The following GALNT10 variants were observed in gnomAD, a reference collection of about 807,000 sequenced individuals.
GALNT10 encodes GalNAc transferase 10.
A neutral mutation model predicts 75.0 loss-of-function variants in GALNT10; 41 were observed. That is an observed-to-expected ratio of 0.55 (90% CI 0.43 to 0.71). GALNT10 has a LOEUF of 0.71. Among genes scored for constraint, GALNT10 ranks in the 30% least tolerant of loss-of-function variants. The pLI is 0.00. For synonymous variants in GALNT10, 302 were observed against 313.0 expected (o/e 0.96, Z 0.37); for missense variants, 727 against 818.5 (o/e 0.89, Z 1.36).
rs1365265997 is a variant in GALNT10, at chr5:154,202,462, T to C, written c.159+11437T>C. Among the ~76,000 whole-genome samples, 3 of 152,316 alleles carry C rather than the reference T, an allele frequency of 2.0e-5. No individual in the cohort carries two copies. The East Asian group carries it at 5.8e-4, about 29-fold the overall frequency. ...TGCTATGCACTGTGCCCATCTCAGT[T>C]CATCAGCACTGTAATCCCAGGGAGT... is the stretch of plus-strand genomic sequence containing the variant. On this transcript the variant is annotated intron_variant, in intron 1 of 11. Transcript: ENST00000297107.
intron 1 of GALNT10, among the ~76,000 whole-genome samples, chr5:154,196,540 G>A (rs1052306609): frequency 1.3e-5 from 2 of 152,136 alleles, no homozygotes; most frequent in Non-Finnish European, 2.9e-5. Context: ...TGTTGGTTCT[G>A]ACTTTCTCTG....
In GALNT10 at chr5:154,246,177, A is replaced by T. The variant is rs1279251858; in HGVS notation, c.160-48639A>T. Among the ~76,000 whole-genome samples, 3 of 152,072 alleles carry T rather than the reference A, an allele frequency of 2.0e-5. No homozygotes were observed. In the East Asian group the frequency reaches 5.8e-4, roughly 29 times the overall value. On this transcript the variant is annotated intron_variant, in intron 1 of 11. Transcript: ENST00000297107. ...GGCTGCATAGTATTCCATGGTGTAT[A>T]TGTGCCACATTTTCTTAATCCAGTC...
intron 1 of GALNT10, among the ~76,000 whole-genome samples, chr5:154,241,740 A>G (rs1018511107): frequency 6.6e-6 from 1 of 152,122 alleles, no homozygotes; most frequent in Non-Finnish European, 1.5e-5. Flanking sequence ...AACCATTCCT[A>G]TGTTATTGGA....
intron 1 of GALNT10, among the ~76,000 whole-genome samples, chr5:154,231,853 T>C (rs947567895): frequency 2.6e-5 from 4 of 152,258 alleles, no homozygotes; most frequent in African/African-American, 9.6e-5. Context: ...GTACTTGTCT[T>C]TGTTGGTAAT....
intron 1 of GALNT10, among the ~76,000 whole-genome samples, chr5:154,272,871 C>T (rs1023053313): frequency 1.6e-4 from 24 of 152,254 alleles, no homozygotes; most frequent in Middle Eastern, 3.4e-3. Context: ...GACAGGGTCT[C>T]ACTCTGTCAC....
Position 154,295,634 on chromosome 5 carries a change from T to A in GALNT10, c.262+716T>A, listed in dbSNP as rs528588624. Reference sequence around the variant, plus strand: ...GGTTGGGGTAAGGTGGTACAGAAATTATATGGAGAATCAACTCTAGGGAGC... The same window carrying A: ...GGTTGGGGTAAGGTGGTACAGAAATAATATGGAGAATCAACTCTAGGGAGC... On this transcript the variant is annotated intron_variant, in intron 2 of 11. Transcript: ENST00000297107. 2.0e-5 allele frequency among the ~76,000 whole-genome samples: 3 copies of A among 152,244 alleles called. No homozygotes were observed. The East Asian group carries it at 5.8e-4, about 29-fold the overall frequency.
At chr5:154,373,179 T>C (rs1755601101) in intron 4 of GALNT10, among the ~76,000 whole-genome samples, 1 of 152,132 alleles carries the variant, frequency 6.6e-6, no homozygotes, top group South Asian at 2.1e-4. Flanking sequence ...CCCATCAGTG[T>C]AGGCACTTTG....
intron 7 of GALNT10, chr5:154,386,725 T>G (rs1258087867): frequency 1.8e-6 from 1 of 551,784 alleles, no homozygotes; most frequent in Admixed American, 3.6e-5. Context: ...TTGCTTCTAC[T>G]CAGATGGCAG....
Position 154,415,874 on chromosome 5 carries a change from C to G in GALNT10, c.1595C>G (p.Pro532Arg), listed in dbSNP as rs775206773. 1 of 1,614,168 alleles carries G rather than the reference C, an allele frequency of 6.2e-7. No individual in the cohort carries two copies. The highest frequency in any genetic ancestry group is 2.2e-5 in the East Asian group (1 of 44,878). The change falls in exon 11 of 12, where the codon CCT (proline) becomes CGT (arginine). Residue 532 changes from proline (P) to arginine (R), a missense_variant. Coordinates refer to ENST00000297107, the MANE Select transcript of GALNT10 (RefSeq NM_198321.4). The stretch of plus-strand genomic sequence containing the variant: ...TTTGATGCCATTTCCCACACCAGCC[C>G]TGTCACGCTGTACGACTGCCACAGC... ...FCFDAISHTS[P>R]VTLYDCHSMK...
intron 1 of GALNT10, among the ~76,000 whole-genome samples, chr5:154,250,518 T>G (rs1257909081): frequency 1.3e-5 from 2 of 152,198 alleles, no homozygotes; most frequent in Admixed American, 1.3e-4. Context: ...TACTTAAATG[T>G]ACATGTACAG....
chr5:154,217,844 G>C (rs926587772), intron 1 of GALNT10, among the ~76,000 whole-genome samples: 8 of 152,234 alleles, frequency 5.3e-5, no homozygotes, highest in Non-Finnish European at 1.0e-4. Context: ...GAGGGCTTGT[G>C]CCTTGCACAT....
Position 154,376,498 on chromosome 5 carries a change from T to A in GALNT10, c.754+36T>A. On this transcript the variant is annotated intron_variant, in intron 5 of 11. Coordinates refer to ENST00000297107, the MANE Select transcript of GALNT10 (RefSeq NM_198321.4). This position sits in a 1 kb window ranked among gnomAD's most constrained non-coding sequence, Gnocchi z 4.1. Reference sequence around the variant, plus strand: ...CCCTCCCACTTGGAGGGAGGCAAACTGCAATGAGCCAGTGCCAGTGGCCCC... The same window carrying A: ...CCCTCCCACTTGGAGGGAGGCAAACAGCAATGAGCCAGTGCCAGTGGCCCC... 6.7e-7 allele frequency: 1 copy of A among 1,490,286 alleles called. No homozygotes were observed. 92.3% of individuals were successfully genotyped at this position (1,490,286 alleles called of 1,614,324 possible). A position where few individuals can be genotyped will look rare whatever the true frequency, so the allele number is the denominator to read the frequency against.
chr5:154,238,510 G>T (rs183472147), intron 1 of GALNT10, among the ~76,000 whole-genome samples: 3 of 152,104 alleles, frequency 2.0e-5, no homozygotes, highest in African/African-American at 7.2e-5. Context: ...TTCTCCCCAC[G>T]TGCATCTTCT....
At chr5:154,289,808 C>T (rs201447764) in intron 1 of GALNT10, among the ~76,000 whole-genome samples, 3 of 152,258 alleles carry the variant, frequency 2.0e-5, no homozygotes, top group East Asian at 3.9e-4. Context: ...CCAAGAACCA[C>T]CTTTTGAAAG....
chr5:154,402,624 T>C lies in GALNT10; in HGVS notation c.1057-1480T>C, dbSNP rs544868586. Among the ~76,000 whole-genome samples the C allele has an allele frequency of 6.6e-6, 1 of 152,276 alleles. No individual in the cohort carries two copies. The highest frequency in any genetic ancestry group is 2.1e-4 in the South Asian group (1 of 4,824). ...AGTGGCTTGGTTTGATAGCTCCACC[T>C]TGGGTCTCGCATAGGAGAATAGTCA... On this transcript the variant is annotated intron_variant, in intron 7 of 11. Coordinates refer to ENST00000297107, the MANE Select transcript of GALNT10 (RefSeq NM_198321.4). This position sits in a 1 kb window ranked among gnomAD's most constrained non-coding sequence, Gnocchi z 4.2.
At chr5:154,326,143 A>C (rs1442871838) in intron 3 of GALNT10, among the ~76,000 whole-genome samples, 1 of 152,190 alleles carries the variant, frequency 6.6e-6, no homozygotes, top group East Asian at 1.9e-4. Context: ...ACAAATGGCC[A>C]ATAGGCATAT....
At chr5:154,394,560 C>T (rs17116062) in intron 7 of GALNT10, among the ~76,000 whole-genome samples, 9,727 of 152,170 alleles carry the variant, frequency 0.064, 361 homozygotes, top group East Asian at 0.14. Context: ...CATCTCATTC[C>T]GCCTGGTGGT....
chr5:154,284,616 C>G (rs560678892), intron 1 of GALNT10, among the ~76,000 whole-genome samples: 56 of 152,308 alleles, frequency 3.7e-4, no homozygotes, highest in African/African-American at 1.3e-3. Flanking sequence ...AAGAAGAGCA[C>G]TTTCTAGGGG....
chr5:154,338,114 T>C (rs1445490469), intron 4 of GALNT10: 3 of 1,028,024 alleles, frequency 2.9e-6, no homozygotes, highest in Admixed American at 1.7e-5. Flanking sequence ...AAATATCTTT[T>C]TCACAGTTGA....
Sources: gnomAD v4.1 joint callset for allele counts (sites outside exome capture counted in the v4.1 genomes callset) on GRCh38, gnomAD v4.1.1 for gene constraint, Gnocchi (gnomAD v3.1) non-coding constraint, MANE v1.5 for transcripts, NCBI Gene and HGNC (gene_info 2026-07-23, HGNC 2026-07-21) for gene names.